The following HS6ST1 variants were observed in gnomAD, a reference collection of about 807,000 sequenced individuals.
HS6ST1 encodes the protein heparan sulfate 6-O-sulfotransferase 1.
In HS6ST1, 3 loss-of-function variants were observed where a neutral mutation model predicts 25.2. That is an observed-to-expected ratio of 0.12 (90% CI 0.05 to 0.31). The LOEUF (loss-of-function observed/expected upper bound fraction) is 0.31, where lower values mean the gene tolerates loss of function less well. Among genes scored for constraint, HS6ST1 ranks in the 10% least tolerant of loss-of-function variants. The probability of loss-of-function intolerance (pLI) is 1.00; values close to 1 mark genes in which losing one functional copy is unlikely to be tolerated. For missense variants in HS6ST1, 310 were observed against 609.6 expected, an observed-to-expected ratio of 0.51 and a Z score of 5.18; for synonymous variants, 204 against 275.1, an observed-to-expected ratio of 0.74 and a Z score of 2.56.
In HS6ST1 at chr2:128,285,558, G is replaced by A. The variant is rs548694077; in HGVS notation, c.528-16688C>T. ...CTGAGGACTCAGCTGCACTGTGCAG[G>A]GAAGGTTCTAGGACCAGGGGAAGCC... is the stretch of plus-strand genomic sequence containing the variant. On this transcript the variant is annotated intron_variant, in intron 1 of 1. Coordinates refer to ENST00000259241, the MANE Select transcript of HS6ST1 (RefSeq NM_004807.3). Among the ~76,000 whole-genome samples the A allele has an allele frequency of 5.9e-4, 89 of 152,052 alleles. 1 individual carries two copies. Among genetic ancestry groups the A allele is most frequent in the Non-Finnish European group, 1.1e-3 (74 of 67,980 alleles).
intron 1 of HS6ST1, among the ~76,000 whole-genome samples, chr2:128,305,009 CA>C (rs1258485014): frequency 1.3e-5 from 2 of 152,228 alleles, no homozygotes; most frequent in African/African-American, 4.8e-5. Flanking sequence ...GTGGAATGCA[CA>C]GGGTCAGTGT....
At chr2:128,305,924 G>A (rs1467335756) in intron 1 of HS6ST1, among the ~76,000 whole-genome samples, 1 of 152,184 alleles carries the variant, frequency 6.6e-6, no homozygotes, top group Non-Finnish European at 1.5e-5. Context: ...GCACTGTGGC[G>A]GACATGAGCC....
chr2:128,301,032 G>C (rs886388442), intron 1 of HS6ST1, among the ~76,000 whole-genome samples: 1 of 152,360 alleles, frequency 6.6e-6, no homozygotes, highest in Middle Eastern at 3.4e-3. Context: ...GAGGAGTCTG[G>C]GCTTTTGGCT....
At chr2:128,293,168 C>A (rs544586432) in intron 1 of HS6ST1, among the ~76,000 whole-genome samples, 1 of 152,228 alleles carries the variant, frequency 6.6e-6, no homozygotes, top group African/African-American at 2.4e-5. Context: ...GGCACTCCAG[C>A]GTCCCACCCG....
intron 1 of HS6ST1, among the ~76,000 whole-genome samples, chr2:128,285,656 CCT>C (rs1348618937): frequency 2.6e-5 from 4 of 152,198 alleles, no homozygotes; most frequent in South Asian, 2.1e-4. Context: ...CTGTGGCACC[CCT>C]GTCTCTGCCT....
chr2:128,302,013 A>G (rs1053072412), intron 1 of HS6ST1, among the ~76,000 whole-genome samples: 4 of 152,144 alleles, frequency 2.6e-5, no homozygotes, highest in Non-Finnish European at 5.9e-5. Context: ...TCCCTGGATA[A>G]AGTCATGCCC....
At chr2:128,280,735 C>T (rs1388156472) in intron 1 of HS6ST1, among the ~76,000 whole-genome samples, 8 of 152,056 alleles carry the variant, frequency 5.3e-5, no homozygotes, top group African/African-American at 1.2e-4. Flanking sequence ...TCCAAACATA[C>T]CCAGGTCTGG....
intron 1 of HS6ST1, among the ~76,000 whole-genome samples, chr2:128,299,144 G>A (rs902962420): frequency 2.0e-5 from 3 of 152,244 alleles, no homozygotes; most frequent in Non-Finnish European, 4.4e-5. Context: ...TTCTTTGCAG[G>A]GACAGAGCAG....
chr2:128,310,446 CAGA>C (rs1694273255), intron 1 of HS6ST1, among the ~76,000 whole-genome samples: 1 of 152,228 alleles, frequency 6.6e-6, no homozygotes, highest in Non-Finnish European at 1.5e-5. Flanking sequence ...ACCGCGGCAG[CAGA>C]AGGCCACAAG....
chr2:128,280,839 C>T (rs950564975), intron 1 of HS6ST1, among the ~76,000 whole-genome samples: 1 of 152,244 alleles, frequency 6.6e-6, no homozygotes, highest in African/African-American at 2.4e-5. Flanking sequence ...GCTGCCCACA[C>T]CCCTTCCAGA....
Position 128,267,771 on chromosome 2 carries a change from G to C in HS6ST1, c.*391C>G, listed in dbSNP as rs556592096. On this transcript the variant is annotated 3_prime_UTR_variant, in exon 2 of 2. Transcript: ENST00000259241. ...GACAGAGGAGCTAAGAGCGAGTGCTGTGTGCATAGTTGGTGAGGGACACAC... is the reference window on the plus strand; with the variant it reads ...GACAGAGGAGCTAAGAGCGAGTGCTCTGTGCATAGTTGGTGAGGGACACAC... 6.1e-4 allele frequency: 182 copies of C among 297,606 alleles called. No homozygotes were observed. The highest frequency in any genetic ancestry group is 3.6e-3 in the African/African-American group (168 of 47,058). 18.4% of individuals were successfully genotyped at this position (297,606 alleles called of 1,614,324 possible). A position where few individuals can be genotyped will look rare whatever the true frequency, so the allele number is the denominator to read the frequency against.
intron 1 of HS6ST1, among the ~76,000 whole-genome samples, chr2:128,297,744 G>A (rs1300919454): frequency 1.3e-5 from 2 of 152,214 alleles, no homozygotes; most frequent in East Asian, 1.9e-4. Context: ...TGAGGCACGA[G>A]AATCGCTTGA....
intron 1 of HS6ST1, among the ~76,000 whole-genome samples, chr2:128,276,663 A>G (rs1182144328): frequency 6.6e-6 from 1 of 152,202 alleles, no homozygotes; most frequent in Non-Finnish European, 1.5e-5. Flanking sequence ...AAAAGTTTAA[A>G]GAAAGGAAGA....
intron 1 of HS6ST1, among the ~76,000 whole-genome samples, chr2:128,270,708 G>A (rs965507420): frequency 3.9e-5 from 6 of 152,278 alleles, no homozygotes; most frequent in South Asian, 2.1e-4. Context: ...ATGGACCTCC[G>A]CTCCCCACTC....
intron 1 of HS6ST1, among the ~76,000 whole-genome samples, chr2:128,284,884 C>T (rs1283821240): frequency 1.3e-5 from 2 of 152,140 alleles, no homozygotes; most frequent in East Asian, 3.9e-4. Context: ...CGGCTGCAGA[C>T]CCCCACCCCC....
At chr2:128,269,686 C>T (rs1693582269) in intron 1 of HS6ST1, among the ~76,000 whole-genome samples, 1 of 152,200 alleles carries the variant, frequency 6.6e-6, no homozygotes, top group Non-Finnish European at 1.5e-5. Flanking sequence ...TCTTAGAGGG[C>T]TCCTCCTCCT....
chr2:128,272,465 C>T (rs1369917178), intron 1 of HS6ST1, among the ~76,000 whole-genome samples: 2 of 152,242 alleles, frequency 1.3e-5, no homozygotes, highest in East Asian at 3.9e-4. Context: ...CCCCAGATGG[C>T]ACGCGACCTA....
At chr2:128,277,794 C>G (rs115523479) in intron 1 of HS6ST1, among the ~76,000 whole-genome samples, 89 of 152,358 alleles carry the variant, frequency 5.8e-4, no homozygotes, top group Non-Finnish European at 1.1e-3. Flanking sequence ...TCAAAGAACT[C>G]GAAATGCGCT....
intron 1 of HS6ST1, among the ~76,000 whole-genome samples, chr2:128,283,418 C>G (rs1693814598): frequency 6.6e-6 from 1 of 152,226 alleles, no homozygotes; most frequent in Non-Finnish European, 1.5e-5. Context: ...GGGGAGCAAT[C>G]CCAGTGACCC....
Sources: allele counts gnomAD v4.1 joint callset (sites outside exome capture counted in the v4.1 genomes callset), GRCh38; gene constraint gnomAD v4.1.1; transcripts MANE v1.5; gene names NCBI Gene and HGNC (gene_info 2026-07-23, HGNC 2026-07-21).